Variants in PTPRJ observed in about 807,000 individuals in gnomAD.
The protein encoded by PTPRJ is receptor-type tyrosine-protein phosphatase eta.
In PTPRJ, 129 loss-of-function variants were observed where a neutral mutation model predicts 141.3. The ratio of observed to expected loss-of-function variants is 0.91; its 90% CI spans 0.79 to 1.06. The LOEUF (loss-of-function observed/expected upper bound fraction) is 1.06. Among genes scored for constraint, PTPRJ ranks in the 50% least tolerant of loss-of-function variants. The pLI is 0.00. For synonymous variants in PTPRJ, 610 were observed against 640.5 expected (o/e 0.95, Z 0.72); for missense variants, 1,601 against 1,679.7 (o/e 0.95, Z 0.82).
intron 1 of PTPRJ, among the ~76,000 whole-genome samples, chr11:47,985,717 T>C (rs1854032448): frequency 7.4e-6 from 1 of 134,582 alleles, no homozygotes; most frequent in Non-Finnish European, 1.6e-5. Flanking sequence ...TATTTATTTA[T>C]TGAGACGAAG....
At chr11:48,119,099 C>T (rs1164349491) in intron 3 of PTPRJ, among the ~76,000 whole-genome samples, 2 of 149,634 alleles carry the variant, frequency 1.3e-5, no homozygotes, top group Non-Finnish European at 3.0e-5. Flanking sequence ...TGAGAACATA[C>T]TTGTACAGCA....
At chr11:48,094,115 T>C (rs996941760) in intron 1 of PTPRJ, among the ~76,000 whole-genome samples, 2 of 152,222 alleles carry the variant, frequency 1.3e-5, no homozygotes, top group African/African-American at 4.8e-5. Context: ...TCCTTATTAA[T>C]CCCATTCATA....
intron 1 of PTPRJ, among the ~76,000 whole-genome samples, chr11:48,045,364 T>C (rs1854365656): frequency 6.6e-6 from 1 of 152,164 alleles, no homozygotes; most frequent in Non-Finnish European, 1.5e-5. Context: ...CCCTGGACTA[T>C]GAATATGGAT....
At chr11:48,139,334 A>C in intron 10 of PTPRJ, 152 bp from the exon 11 acceptor site, 1 of 721,856 alleles carries the variant, frequency 1.4e-6, no homozygotes, top group Non-Finnish European at 2.3e-6. Flanking sequence ...AAGCTCACAC[A>C]GTTTGGTGTT....
chr11:48,099,356 A>G (rs1190295278), intron 1 of PTPRJ, among the ~76,000 whole-genome samples: 6 of 152,264 alleles, frequency 3.9e-5, no homozygotes, highest in Non-Finnish European at 8.8e-5. Flanking sequence ...CATGAAAATT[A>G]TGTAAAATAT....
At chr11:48,107,228 G>C (rs1226319494) in intron 1 of PTPRJ, among the ~76,000 whole-genome samples, 2 of 151,890 alleles carry the variant, frequency 1.3e-5, no homozygotes, top group Non-Finnish European at 2.9e-5. Flanking sequence ...AGTTGGGACT[G>C]GCAGTGGTTT....
At chr11:48,120,685 C>T (rs11039526) in intron 3 of PTPRJ, among the ~76,000 whole-genome samples, 2,423 of 152,134 alleles carry the variant, frequency 0.016, 63 homozygotes, top group African/African-American at 0.055. Flanking sequence ...GTGATCCACC[C>T]GCCTTGACCT....
intron 1 of PTPRJ, among the ~76,000 whole-genome samples, chr11:48,018,539 T>A (rs1279522005): frequency 4.6e-5 from 7 of 152,242 alleles, no homozygotes; most frequent in Non-Finnish European, 8.8e-5. Context: ...ATGTAAGTCA[T>A]CATAATACTT....
chr11:48,113,234 CTG>C (rs1017856537), intron 3 of PTPRJ, among the ~76,000 whole-genome samples: 7 of 152,070 alleles, frequency 4.6e-5, no homozygotes, highest in South Asian at 4.1e-4. Flanking sequence ...ATATGCATGC[CTG>C]TGTGCATATG....
At chr11:48,067,240 T>C (rs764523381) in intron 1 of PTPRJ, among the ~76,000 whole-genome samples, 14 of 152,038 alleles carry the variant, frequency 9.2e-5, no homozygotes, top group Non-Finnish European at 2.1e-4. Context: ...ACCAGAGCAA[T>C]TACAGAGCCT....
At chr11:48,082,590 C>T (rs1183516680) in intron 1 of PTPRJ, among the ~76,000 whole-genome samples, 1 of 142,658 alleles carries the variant, frequency 7.0e-6, no homozygotes, top group Non-Finnish European at 1.5e-5. Context: ...GAGACAGGGT[C>T]TCATTATGTT....
intron 1 of PTPRJ, among the ~76,000 whole-genome samples, chr11:48,091,260 G>T (rs1292837920): frequency 1.3e-5 from 2 of 152,144 alleles, no homozygotes; most frequent in Non-Finnish European, 2.9e-5. Context: ...ATGGAGCTGA[G>T]AGCATCCCTT....
chr11:48,112,578 G>A (rs1479752531), intron 2 of PTPRJ, among the ~76,000 whole-genome samples, 169 bp from the exon 3 acceptor site: 1 of 152,228 alleles, frequency 6.6e-6, no homozygotes, highest in Non-Finnish European at 1.5e-5. Context: ...GCCAGAAATG[G>A]CAGTTTCTGA....
At chr11:48,122,833 G>T (rs1196650930) in intron 4 of PTPRJ, among the ~76,000 whole-genome samples, 3 of 152,112 alleles carry the variant, frequency 2.0e-5, no homozygotes, top group Admixed American at 6.5e-5. Flanking sequence ...TTACCTTCAG[G>T]CCCCTGCAGC....
At chr11:48,130,832 T>C in intron 8 of PTPRJ, 116 bp downstream of exon 8, 3 of 1,212,502 alleles carry the variant, frequency 2.5e-6, no homozygotes, top group Non-Finnish European at 3.3e-6. Flanking sequence ...GAAAAAACTT[T>C]AAAAATTTTC....
Position 47,980,604 on chromosome 11 carries a change from G to A in PTPRJ, c.-309G>A. The stretch of plus-strand genomic sequence containing the variant: ...CGGAGGAGGCAGCGGGAGCAGCCGC[G>A]GGAGCCGGGACCGGGTAGCCGCGCG... On this transcript the variant is annotated 5_prime_UTR_variant, in exon 1 of 25. Transcript: ENST00000418331. 1.0e-6 allele frequency: 1 copy of A among 983,396 alleles called. No homozygotes were observed. The highest frequency in any genetic ancestry group is 1.2e-6 in the Non-Finnish European group (1 of 829,436). 60.9% of individuals were successfully genotyped at this position (983,396 alleles called of 1,614,324 possible).
chr11:48,012,649 C>T (rs973285511), intron 1 of PTPRJ, among the ~76,000 whole-genome samples: 2 of 152,104 alleles, frequency 1.3e-5, no homozygotes, highest in Non-Finnish European at 2.9e-5. Flanking sequence ...GAAGAGTCCT[C>T]CAGGGTGAGC....
intron 22 of PTPRJ, 86 bp from the exon 23 acceptor site, chr11:48,163,372 C>A: frequency 7.6e-7 from 1 of 1,319,682 alleles, no homozygotes; most frequent in Non-Finnish European, 1.1e-6. Context: ...CTGGTTAGTA[C>A]TCAGGCTCTG....
intron 21 of PTPRJ, among the ~76,000 whole-genome samples, chr11:48,157,578 C>T (rs1202207229): frequency 6.6e-6 from 1 of 152,196 alleles, no homozygotes; most frequent in East Asian, 1.9e-4. Flanking sequence ...TGCTGTGGCA[C>T]CAGGGTGCAC....
Sources: gnomAD v4.1 joint callset for allele counts (sites outside exome capture counted in the v4.1 genomes callset) on GRCh38, gnomAD v4.1.1 for gene constraint, MANE v1.5 for transcripts, NCBI Gene and HGNC (gene_info 2026-07-23, HGNC 2026-07-21) for gene names.